The following SLC9A4 variants were observed in gnomAD, a reference collection of about 807,000 sequenced individuals.
SLC9A4 encodes solute carrier family 9 member A4.
A neutral mutation model predicts 67.4 loss-of-function variants in SLC9A4; 63 were observed. The ratio of observed to expected loss-of-function variants is 0.93; its 90% CI spans 0.76 to 1.15. SLC9A4 has a LOEUF of 1.15. SLC9A4 is among the 50% of genes most tolerant of loss of function. The probability of loss-of-function intolerance (pLI) is 0.00; values close to 1 mark genes in which losing one functional copy is unlikely to be tolerated. For missense variants in SLC9A4, 1,089 were observed against 987.7 expected, an observed-to-expected ratio of 1.10 and a Z score of -1.38; for synonymous variants, 393 against 367.2, an observed-to-expected ratio of 1.07 and a Z score of -0.80.
At chr2:102,501,082 C>T (rs1376913150) in intron 2 of SLC9A4, among the ~76,000 whole-genome samples, 1 of 151,838 alleles carries the variant, frequency 6.6e-6, no homozygotes, top group African/African-American at 2.4e-5. Context: ...CCTCAGTCTC[C>T]CGAGTAGCTG....
At chr2:102,482,388 T>C (rs2104415870) in intron 2 of SLC9A4, among the ~76,000 whole-genome samples, 1 of 152,288 alleles carries the variant, frequency 6.6e-6, no homozygotes, top group South Asian at 2.1e-4. Flanking sequence ...GAAACTGATA[T>C]ATGTTGATAT....
intron 2 of SLC9A4, among the ~76,000 whole-genome samples, chr2:102,484,272 C>G (rs6543149): frequency 0.014 from 2,154 of 152,056 alleles, 51 homozygotes; most frequent in African/African-American, 0.049. Flanking sequence ...TTCCTTTTTT[C>G]CTTACCTTTT....
intron 1 of SLC9A4, among the ~76,000 whole-genome samples, chr2:102,475,165 A>G (rs558902171): frequency 6.6e-6 from 1 of 152,260 alleles, no homozygotes; most frequent in African/African-American, 2.4e-5. Flanking sequence ...GGATCTTACT[A>G]TATTTTTAAG....
intron 10 of SLC9A4, 111 bp downstream of exon 10, chr2:102,525,266 A>G (rs1674638999): frequency 6.7e-7 from 1 of 1,486,782 alleles, no homozygotes; most frequent in Non-Finnish European, 9.1e-7. Flanking sequence ...GCTTAAACAA[A>G]CAAAACCCCA....
rs1464251694 is a variant in SLC9A4 at position 102,514,148 on chromosome 2, A to T, written c.1618A>T (p.Lys540Ter). 2 of 1,614,016 alleles carry T rather than the reference A, an allele frequency of 1.2e-6. No individual in the cohort carries two copies. Among genetic ancestry groups the T allele is most frequent in the African/African-American group, 2.7e-5 (2 of 74,920 alleles). Residue 540 changes from lysine to a stop codon, truncating the protein, a stop_gained, in exon 8 of 12, where the codon AAA (lysine) becomes TAA (stop). Coordinates refer to ENST00000295269, the MANE Select transcript of SLC9A4 (RefSeq NM_001011552.4). LOFTEE classifies it high-confidence loss of function. ...RKILIRKNLP[K>*]SSIVSLYKKL... Reference sequence around the variant, plus strand: ...AATCCTCATCAGAAAGAACCTACCCAAATCAAGCATTGTTTCTTTGTACAA... The same window carrying T: ...AATCCTCATCAGAAAGAACCTACCCTAATCAAGCATTGTTTCTTTGTACAA...
intron 1 of SLC9A4, among the ~76,000 whole-genome samples, chr2:102,476,457 TA>T (rs1362000047): frequency 1.3e-5 from 2 of 152,210 alleles, no homozygotes; most frequent in Non-Finnish European, 2.9e-5. Flanking sequence ...AGGCCCTACT[TA>T]TAGGTGTGTG....
intron 11 of SLC9A4, among the ~76,000 whole-genome samples, chr2:102,529,726 G>T (rs1432847632): frequency 6.6e-6 from 1 of 152,166 alleles, no homozygotes; most frequent in Non-Finnish European, 1.5e-5. Context: ...TGTTCTGCAG[G>T]CAAGCAGTCC....
intron 2 of SLC9A4, among the ~76,000 whole-genome samples, chr2:102,499,499 G>T (rs991364204): frequency 6.6e-6 from 1 of 151,912 alleles, no homozygotes; most frequent in East Asian, 1.9e-4. Context: ...TTCCTAATAC[G>T]AGAAATTCAC....
chr2:102,532,215 G>C, intron 11 of SLC9A4, 115 bp from the exon 12 acceptor site: 1 of 1,186,578 alleles, frequency 8.4e-7, no homozygotes, highest in Non-Finnish European at 1.2e-6. Flanking sequence ...TGAGTGTAGA[G>C]CTGAAACCTC....
intron 1 of SLC9A4, among the ~76,000 whole-genome samples, chr2:102,475,399 C>G (rs1479239109): frequency 6.6e-6 from 1 of 152,172 alleles, no homozygotes; most frequent in East Asian, 1.9e-4. Context: ...ATCTGAGTAC[C>G]AGGAAACTCG....
At chr2:102,474,177 C>T (rs1684280392) in intron 1 of SLC9A4, among the ~76,000 whole-genome samples, 162 bp downstream of exon 1, 1 of 152,172 alleles carries the variant, frequency 6.6e-6, no homozygotes, top group Non-Finnish European at 1.5e-5. Context: ...CTGCATTTTA[C>T]TAAGCTATTT....
intron 2 of SLC9A4, among the ~76,000 whole-genome samples, chr2:102,497,550 A>G (rs1684834853): frequency 6.6e-6 from 1 of 152,230 alleles, no homozygotes; most frequent in Non-Finnish European, 1.5e-5. Flanking sequence ...GGCAACTCAA[A>G]AACATCATGC....
At chr2:102,501,250 T>G (rs1448061953) in intron 2 of SLC9A4, among the ~76,000 whole-genome samples, 2 of 151,500 alleles carry the variant, frequency 1.3e-5, no homozygotes, top group Non-Finnish European at 2.9e-5. Flanking sequence ...GTCTCCTAAG[T>G]AGCTGGGACT....
chr2:102,473,964 AT>A lies in SLC9A4; in HGVS notation c.207del (p.Pro70LeufsTer10). On this transcript the variant is annotated frameshift_variant, in exon 1 of 12. Transcript: ENST00000295269. LOFTEE classifies it high-confidence loss of function. Reference protein sequence around the residue: ...VFELDYDYVQIPYEVTLWILL... With the variant: ...VFELDYDYVQXPYEVTLWILL... Reference sequence around the variant, plus strand: ...TGAACTGGATTATGACTATGTGCAAATTCCTTATGAGGTCACTCTCTGGATA... The same window carrying A: ...TGAACTGGATTATGACTATGTGCAAATCCTTATGAGGTCACTCTCTGGATA... 6.2e-7 allele frequency: 1 copy of A among 1,614,060 alleles called. No individual in the cohort carries two copies. The highest frequency in any genetic ancestry group is 8.5e-7 in the Non-Finnish European group (1 of 1,179,924).
chr2:102,483,571 A>C (rs977862289), intron 2 of SLC9A4, among the ~76,000 whole-genome samples: 3 of 151,982 alleles, frequency 2.0e-5, no homozygotes, highest in Non-Finnish European at 4.4e-5. Context: ...ATATTGATGA[A>C]TCTGATTCTC....
At chr2:102,498,239 A>T (rs1260795594) in intron 2 of SLC9A4, among the ~76,000 whole-genome samples, 5 of 152,218 alleles carry the variant, frequency 3.3e-5, no homozygotes, top group Admixed American at 2.6e-4. Context: ...GAAAGGTAAG[A>T]ACTGTTTTTC....
chr2:102,512,302 A>G lies in SLC9A4; in HGVS notation c.1559+29A>G, dbSNP rs775247923. Reference sequence around the variant, plus strand: ...AGGAGGCTGAGGGTTTCACTCCCTGACAAACTTCTAAAGGTTCCATTGGAA... The same window carrying G: ...AGGAGGCTGAGGGTTTCACTCCCTGGCAAACTTCTAAAGGTTCCATTGGAA... On this transcript the variant is annotated intron_variant, in intron 7 of 11. Coordinates refer to ENST00000295269, the MANE Select transcript of SLC9A4 (RefSeq NM_001011552.4). 8.1e-6 allele frequency: 13 copies of G among 1,608,944 alleles called. No individual in the cohort carries two copies. The African/African-American group carries it at 1.6e-4, about 20-fold the overall frequency.
intron 6 of SLC9A4, among the ~76,000 whole-genome samples, chr2:102,511,037 G>T (rs1685155259): frequency 6.6e-6 from 1 of 152,192 alleles, no homozygotes. Flanking sequence ...TCTAACCAGT[G>T]ATTGGGAACA....
rs775373011 is a variant in SLC9A4, at chr2:102,514,118, C to A, written c.1588C>A (p.Arg530=). 3 of 1,612,910 alleles carry A rather than the reference C, an allele frequency of 1.9e-6. No homozygotes were observed. The highest frequency in any genetic ancestry group is 3.3e-5 in the Admixed American group (2 of 59,708). Residue 530 remains arginine (R), a synonymous_variant, in exon 8 of 12, where the codon CGG becomes AGG. Coordinates refer to ENST00000295269, the MANE Select transcript of SLC9A4 (RefSeq NM_001011552.4). ...TAAGAAGTTTGATCATAGATACTTA[C>A]GGAAAATCCTCATCAGAAAGAACCT... ...KFKKFDHRYL[R]KILIRKNLPK...
Sources: gnomAD v4.1 joint callset for allele counts (sites outside exome capture counted in the v4.1 genomes callset) on GRCh38, gnomAD v4.1.1 for gene constraint, MANE v1.5 for transcripts, NCBI Gene and HGNC (gene_info 2026-07-23, HGNC 2026-07-21) for gene names.